The following ARMC2 variants were observed in gnomAD, a reference collection of about 807,000 sequenced individuals.
The protein encoded by ARMC2 is armadillo repeat-containing protein 2.
In ARMC2, 67 loss-of-function variants were observed where a neutral mutation model predicts 90.3. That is an observed-to-expected ratio of 0.74 (90% confidence interval 0.61 to 0.91). The LOEUF is 0.91. Among genes scored for constraint, ARMC2 ranks in the 40% least tolerant of loss-of-function variants. ARMC2 has a pLI of 0.00. For missense variants in ARMC2, 920 were observed against 1,030.9 expected, an observed-to-expected ratio of 0.89 and a Z score of 1.47; for synonymous variants, 393 against 393.0, an observed-to-expected ratio of 1.00 and a Z score of 0.00.
chr6:108,959,979 C>A (rs1777872784), intron 13 of ARMC2, among the ~76,000 whole-genome samples: 2 of 152,130 alleles, frequency 1.3e-5, no homozygotes, highest in Admixed American at 6.5e-5. Context: ...TGACACCACA[C>A]CCGGCTAATT....
At chr6:108,989,453 A>G in the ARMC2 span, among the ~76,000 whole-genome samples, 2 of 150,094 alleles carry the variant, frequency 1.3e-5, no homozygotes, top group African/African-American at 2.5e-5. Flanking sequence ...ATACATCTCT[A>G]TATCTAGAGA....
chr6:108,950,608 C>T (rs995624151), intron 12 of ARMC2, among the ~76,000 whole-genome samples: 14 of 152,148 alleles, frequency 9.2e-5, no homozygotes, highest in African/African-American at 2.7e-4. Flanking sequence ...GGACAACAGA[C>T]ACTGGGACCT....
chr6:108,924,812 A>G (rs1036499282), intron 10 of ARMC2, among the ~76,000 whole-genome samples: 2 of 152,174 alleles, frequency 1.3e-5, no homozygotes, highest in African/African-American at 4.8e-5. Flanking sequence ...GTGAGCAGCT[A>G]TGGGGGCAAA....
chr6:108,871,899 C>A (rs915670432), intron 4 of ARMC2, among the ~76,000 whole-genome samples: 1 of 152,210 alleles, frequency 6.6e-6, no homozygotes, highest in African/African-American at 2.4e-5. Flanking sequence ...CCATTCAGGT[C>A]ATCCCTGAGG....
At chr6:108,982,607 A>G in the ARMC2 span, among the ~76,000 whole-genome samples, 6 of 152,174 alleles carry the variant, frequency 3.9e-5, no homozygotes, top group Non-Finnish European at 5.9e-5. Flanking sequence ...AAGTGTTCCA[A>G]TTTCCCCACA....
the ARMC2 span, among the ~76,000 whole-genome samples, chr6:108,982,473 C>G: frequency 6.6e-6 from 1 of 152,194 alleles, no homozygotes; most frequent in Non-Finnish European, 1.5e-5. Context: ...TGGGGGAATG[C>G]AAATATTCAG....
chr6:108,957,940 C>T (rs1364372439), intron 13 of ARMC2, among the ~76,000 whole-genome samples: 2 of 152,106 alleles, frequency 1.3e-5, no homozygotes, highest in Non-Finnish European at 2.9e-5. Context: ...GCTTCCGCAG[C>T]GTTCTGTGGA....
At chr6:108,975,704 C>A (rs576145237), downstream of ARMC2, among the ~76,000 whole-genome samples, 21 of 152,108 alleles carry the variant, frequency 1.4e-4, no homozygotes, top group Admixed American at 1.0e-3. Context: ...TTCTAACTGG[C>A]GTGACATGGT....
intron 4 of ARMC2, among the ~76,000 whole-genome samples, chr6:108,869,791 G>A (rs2128429921): frequency 6.6e-6 from 1 of 151,958 alleles, no homozygotes; most frequent in East Asian, 1.9e-4. Flanking sequence ...CACAGCCTGA[G>A]GAGTCCCACC....
chr6:108,871,801 T>C (rs1360204300), intron 4 of ARMC2, among the ~76,000 whole-genome samples: 1 of 152,162 alleles, frequency 6.6e-6, no homozygotes, highest in Non-Finnish European at 1.5e-5. Context: ...TTCCCAGCAC[T>C]GAGGCCAGCT....
At chr6:108,882,355 C>T (rs540852459) in intron 5 of ARMC2, among the ~76,000 whole-genome samples, 9 of 151,024 alleles carry the variant, frequency 6.0e-5, no homozygotes, top group Non-Finnish European at 8.8e-5. Flanking sequence ...AGGAGAATGG[C>T]GTGAACCCGG....
intron 11 of ARMC2, among the ~76,000 whole-genome samples, chr6:108,932,634 T>G (rs762980799): frequency 4.2e-4 from 61 of 144,178 alleles, no homozygotes; most frequent in South Asian, 7.0e-4. Flanking sequence ...GTTCACACCA[T>G]TCTCCTGCCT....
intron 15 of ARMC2, 109 bp from the exon 16 acceptor site, chr6:108,964,071 G>A (rs1187011896): frequency 1.7e-6 from 2 of 1,197,668 alleles, no homozygotes; most frequent in East Asian, 2.4e-5. Context: ...CCTTAACAGG[G>A]GTTCTGGGTT....
chr6:108,998,967 T>C, the ARMC2 span: 2 of 387,764 alleles, frequency 5.2e-6, no homozygotes, highest in African/African-American at 2.1e-5. Context: ...AGACATTCAC[T>C]ATTATTTTGA....
In ARMC2 at chr6:108,969,125, G is replaced by A. The variant is rs188775468; in HGVS notation, c.2446+3985G>A. On this transcript the variant is annotated intron_variant, in intron 17 of 17. Transcript: ENST00000392644. ...CTGTTGTATGTTCATCCTAAGTTTT[G>A]TGGCAGTGGGCACTTAGGTTTTGTG... Among the ~76,000 whole-genome samples the A allele has an allele frequency of 1.8e-4, 28 of 152,316 alleles. No individual in the cohort carries two copies. In the East Asian group the frequency reaches 5.2e-3, roughly 28 times the overall value.
At chr6:108,875,444 T>C (rs1776840552) in intron 4 of ARMC2, among the ~76,000 whole-genome samples, 1 of 151,790 alleles carries the variant, frequency 6.6e-6, no homozygotes, top group African/African-American at 2.4e-5. Context: ...TGCTGAAGAG[T>C]CCCCCACTTC....
chr6:108,916,205 A>G (rs1773950066), intron 10 of ARMC2, among the ~76,000 whole-genome samples: 1 of 152,210 alleles, frequency 6.6e-6, no homozygotes, highest in Non-Finnish European at 1.5e-5. Context: ...AGAGACACTC[A>G]TTTCACAAGT....
chr6:109,038,955 A>C, the ARMC2 span, among the ~76,000 whole-genome samples: 2 of 148,296 alleles, frequency 1.3e-5, no homozygotes, highest in African/African-American at 5.1e-5. Flanking sequence ...AAAAGAAGGG[A>C]GAAGGGAGAA....
At chr6:108,876,122 A>G (rs1010742184) in intron 4 of ARMC2, 21 bp from the exon 5 acceptor site, 2 of 1,564,500 alleles carry the variant, frequency 1.3e-6, no homozygotes, top group Admixed American at 1.9e-5. Flanking sequence ...TCAACAAAAT[A>G]TTTTCTTGGT....
Sources: allele counts gnomAD v4.1 joint callset (sites outside exome capture counted in the v4.1 genomes callset), GRCh38; gene constraint gnomAD v4.1.1; transcripts MANE v1.5; gene names NCBI Gene and HGNC (gene_info 2026-07-23, HGNC 2026-07-21).